GSDME: variants seen among roughly 807,000 people sequenced by gnomAD.
GSDME encodes gasdermin E.
Under a neutral mutation model 47.5 loss-of-function variants are expected in GSDME, and 44 were observed. The ratio of observed to expected loss-of-function variants is 0.93; its 90% CI spans 0.73 to 1.19. GSDME has a LOEUF of 1.19. GSDME is among the 50% of genes most tolerant of loss of function. GSDME has a pLI of 0.00. For missense variants in GSDME, 663 were observed against 604.2 expected (o/e 1.10, Z -1.02); for synonymous variants, 258 against 252.8 (o/e 1.02, Z -0.20).
At chr7:24,759,760 G>A (rs1213470411), upstream of GSDME, among the ~76,000 whole-genome samples, 1 of 152,170 alleles carries the variant, frequency 6.6e-6, no homozygotes, top group African/African-American at 2.4e-5. Context: ...TAGGAGCATG[G>A]TCTGTGTTGG....
chr7:24,730,651 C>G (rs1000086734), intron 3 of GSDME, among the ~76,000 whole-genome samples: 1 of 152,006 alleles, frequency 6.6e-6, no homozygotes, highest in Non-Finnish European at 1.5e-5. Context: ...CCCGTCTCTA[C>G]TAAAAATGCA....
the GSDME span, among the ~76,000 whole-genome samples, chr7:24,772,263 G>A: frequency 6.6e-6 from 1 of 152,174 alleles, no homozygotes; most frequent in African/African-American, 2.4e-5. This position sits in a 1 kb window ranked among gnomAD's most constrained non-coding sequence, Gnocchi z 4.5. Context: ...TCTTCATGTG[G>A]CTGCATCTTG....
At position 24,732,100 on chromosome 7, in the gene GSDME, G is replaced by A. The variant is rs577636190; in HGVS notation, c.404+12462C>T. 1.3e-5 allele frequency among the ~76,000 whole-genome samples: 2 copies of A among 152,296 alleles called. No individual in the cohort carries two copies. Among genetic ancestry groups the A allele is most frequent in the Admixed American group, 6.5e-5 (1 of 15,292 alleles). ...GAAACACAGCAAAAAGAGAATCAGC[G>A]ACAGGACCAGAATCAGGGAACTCAT... On this transcript the variant is annotated intron_variant, in intron 3 of 9. Coordinates refer to ENST00000645220, the MANE Select transcript of GSDME (RefSeq NM_001127453.2). This position sits in a 1 kb window ranked among gnomAD's most constrained non-coding sequence, Gnocchi z 4.8.
At chr7:24,783,022 C>T in the GSDME span, among the ~76,000 whole-genome samples, 1 of 152,208 alleles carries the variant, frequency 6.6e-6, no homozygotes, top group Non-Finnish European at 1.5e-5. Flanking sequence ...TGATGTGTAG[C>T]TTAAAAGAAG....
rs1562713099 is a variant in GSDME at position 24,745,029 on chromosome 7, GT to G, written c.212-276del. 1.1e-3 allele frequency among the ~76,000 whole-genome samples: 149 copies of G among 134,146 alleles called. No homozygotes were observed. The highest frequency in any genetic ancestry group is 3.8e-3 in the African/African-American group (136 of 35,778). The allele number at this position is 134,146 out of a possible 152,430, so 88.0% of individuals were successfully genotyped here. On this transcript the variant is annotated intron_variant, in intron 2 of 9. Coordinates refer to ENST00000645220, the MANE Select transcript of GSDME (RefSeq NM_001127453.2). The surrounding 1 kb of genome is among the most constrained non-coding windows in gnomAD (Gnocchi z 4.4). ...TGTGTGTGTGTGTGTGTGTGTGTGT[GT>G]GTGTGGACCACGGGCACACAGTGGA...
At chr7:24,791,460 CT>C in the GSDME span, among the ~76,000 whole-genome samples, 1 of 152,224 alleles carries the variant, frequency 6.6e-6, no homozygotes, top group African/African-American at 2.4e-5. The surrounding 1 kb of genome is among the most constrained non-coding windows in gnomAD (Gnocchi z 4.8). Context: ...AGGTGACACA[CT>C]GCTGTGCCAC....
rs1263816521 is a variant in GSDME at position 24,733,610 on chromosome 7, G to A, written c.404+10952C>T. Among the ~76,000 whole-genome samples, 1 of 152,148 alleles carries A rather than the reference G, an allele frequency of 6.6e-6. No individual in the cohort carries two copies. The highest frequency in any genetic ancestry group is 1.5e-5 in the Non-Finnish European group (1 of 68,028). Reference sequence around the variant, plus strand: ...ACCACAAGCTGACTAAAGAGCCCCTGGCCTTAAGTGAATATGGGTGGTGGC... The same window carrying A: ...ACCACAAGCTGACTAAAGAGCCCCTAGCCTTAAGTGAATATGGGTGGTGGC... On this transcript the variant is annotated intron_variant, in intron 3 of 9. Transcript: ENST00000645220. The surrounding 1 kb of genome is among the most constrained non-coding windows in gnomAD (Gnocchi z 4.3).
chr7:24,723,540 G>C (rs561573865), intron 3 of GSDME, among the ~76,000 whole-genome samples: 6 of 152,252 alleles, frequency 3.9e-5, no homozygotes, highest in Non-Finnish European at 8.8e-5. Flanking sequence ...AGGCCCATGG[G>C]TTTCTTCAAC....
the GSDME span, among the ~76,000 whole-genome samples, chr7:24,765,015 G>A: frequency 6.6e-6 from 1 of 152,174 alleles, no homozygotes; most frequent in African/African-American, 2.4e-5. Context: ...GAGTTTTGGG[G>A]AAACATACCA....
chr7:24,774,591 G>A, the GSDME span, among the ~76,000 whole-genome samples: 1 of 151,988 alleles, frequency 6.6e-6, no homozygotes. Flanking sequence ...TGAGTGTGGT[G>A]GTACGATCTC....
the GSDME span, among the ~76,000 whole-genome samples, chr7:24,784,515 G>GGA: frequency 2.0e-5 from 3 of 152,050 alleles, no homozygotes; most frequent in Non-Finnish European, 4.4e-5. Flanking sequence ...TGCAGAACCT[G>GGA]GAATCTGATG....
chr7:24,781,551 T>A, the GSDME span, among the ~76,000 whole-genome samples: 4 of 152,184 alleles, frequency 2.6e-5, no homozygotes, highest in South Asian at 6.2e-4. Context: ...ATTGGTTAGG[T>A]CTGTGTTTCT....
chr7:24,748,937 T>C (rs1398007456), intron 2 of GSDME, among the ~76,000 whole-genome samples: 1 of 152,202 alleles, frequency 6.6e-6, no homozygotes, highest in Non-Finnish European at 1.5e-5. Flanking sequence ...ACCTTCTTGA[T>C]GGGTATGTGG....
In GSDME at chr7:24,712,442, C is replaced by G. The variant is rs17209655; in HGVS notation, c.698-2054G>C. Among the ~76,000 whole-genome samples, 3 of 152,184 alleles carry G rather than the reference C, an allele frequency of 2.0e-5. No individual in the cohort carries two copies. The highest frequency in any genetic ancestry group is 1.3e-4 in the Admixed American group (2 of 15,278). Reference sequence around the variant, plus strand: ...TCACCCATGCATAGCTCCCTGAGGGCGCCACCAATTAATTCCTTCATTCTT... The same window carrying G: ...TCACCCATGCATAGCTCCCTGAGGGGGCCACCAATTAATTCCTTCATTCTT... On this transcript the variant is annotated intron_variant, in intron 5 of 9. Coordinates refer to ENST00000645220, the MANE Select transcript of GSDME (RefSeq NM_001127453.2). This position sits in a 1 kb window ranked among gnomAD's most constrained non-coding sequence, Gnocchi z 4.4.
the GSDME span, among the ~76,000 whole-genome samples, chr7:24,764,952 G>A: frequency 6.6e-6 from 1 of 152,214 alleles, no homozygotes; most frequent in Non-Finnish European, 1.5e-5. The surrounding 1 kb of genome is among the most constrained non-coding windows in gnomAD (Gnocchi z 4.4). Context: ...CACTAGAGGA[G>A]TGACGTGCTG....
At chr7:24,699,894 A>ATATC (rs751344013) in intron 9 of GSDME, among the ~76,000 whole-genome samples, 1 of 152,206 alleles carries the variant, frequency 6.6e-6, no homozygotes, top group East Asian at 1.9e-4. Context: ...GAACTTTCTT[A>ATATC]TATCTTTGCA....
rs918708650 is a variant in GSDME at position 24,735,494 on chromosome 7, C to T, written c.404+9068G>A. On this transcript the variant is annotated intron_variant, in intron 3 of 9. Coordinates refer to ENST00000645220, the MANE Select transcript of GSDME (RefSeq NM_001127453.2). This position sits in a 1 kb window ranked among gnomAD's most constrained non-coding sequence, Gnocchi z 4.4. ...CTACAGGGCCGGGCACAGTGGCTCA[C>T]GCCTGTAATCCCAGCAGTTTGGGAG... Among the ~76,000 whole-genome samples, 3 of 152,086 alleles carry T rather than the reference C, an allele frequency of 2.0e-5. No homozygotes were observed. The highest frequency in any genetic ancestry group is 1.9e-4 in the East Asian group (1 of 5,190).
At chr7:24,731,658 A>T (rs548423240) in intron 3 of GSDME, among the ~76,000 whole-genome samples, 93 of 152,352 alleles carry the variant, frequency 6.1e-4, no homozygotes, top group Admixed American at 1.8e-3. Flanking sequence ...TAACAGTTAC[A>T]ACTAATGAGA....
rs1432256767 is a variant in GSDME at position 24,735,769 on chromosome 7, AAATAAAT to A, written c.404+8786_404+8792del. On this transcript the variant is annotated intron_variant, in intron 3 of 9. Coordinates refer to ENST00000645220, the MANE Select transcript of GSDME (RefSeq NM_001127453.2). This position sits in a 1 kb window ranked among gnomAD's most constrained non-coding sequence, Gnocchi z 4.4. ...GCAAAACTCTATCTCAAAAATAAATAAATAAATAAATAAATAAATAAATAAATAAATA... is the reference window on the plus strand; with the variant it reads ...GCAAAACTCTATCTCAAAAATAAATAAAATAAATAAATAAATAAATAAATA... 1.4e-4 allele frequency among the ~76,000 whole-genome samples: 10 copies of A among 71,256 alleles called. No individual in the cohort carries two copies. Among genetic ancestry groups the A allele is most frequent in the African/African-American group, 5.7e-4 (9 of 15,676 alleles). 46.7% of individuals were successfully genotyped at this position (71,256 alleles called of 152,430 possible).
Sources: allele counts gnomAD v4.1 joint callset (sites outside exome capture counted in the v4.1 genomes callset), GRCh38; gene constraint gnomAD v4.1.1; non-coding constraint Gnocchi (gnomAD v3.1); transcripts MANE v1.5; gene names NCBI Gene and HGNC (gene_info 2026-07-23, HGNC 2026-07-21).